SYTL5: variants seen among roughly 807,000 people sequenced by gnomAD.
SYTL5 encodes synaptotagmin-like protein 5.
Under a neutral mutation model 55.9 loss-of-function variants are expected in SYTL5, and 34 were observed. That is an observed-to-expected ratio of 0.61 (90% CI 0.46 to 0.81). The LOEUF (loss-of-function observed/expected upper bound fraction) is 0.81, where lower values mean the gene tolerates loss of function less well. Ranked by LOEUF, SYTL5 falls within the 30% of genes least tolerant of loss-of-function variation. The pLI is 0.00. For missense variants in SYTL5, 637 were observed against 546.7 expected (o/e 1.17, Z -1.65); for synonymous variants, 221 against 188.7 (o/e 1.17, Z -1.40).
At chrX:38,059,104 T>C (rs1218427843) in intron 3 of SYTL5, among the ~76,000 whole-genome samples, 1 of 112,002 alleles carries the variant, frequency 8.9e-6, no homozygotes, top group East Asian at 2.8e-4. Context: ...TTAACTTCAG[T>C]TACTGTGTTT....
the SYTL5 span, among the ~76,000 whole-genome samples, chrX:37,892,706 GTATATATGTATATATTAGTATATA>G: frequency 1.7e-3 from 126 of 74,983 alleles, 1 homozygote; most frequent in African/African-American, 0.012. Flanking sequence ...ACATATATTA[GTATATATGTATATATTAGTATATA>G]TACGTATATT....
At chrX:37,943,854 G>A in the SYTL5 span, among the ~76,000 whole-genome samples, 1 of 111,046 alleles carries the variant, frequency 9.0e-6, no homozygotes. Flanking sequence ...TCAAGCTGAA[G>A]CATAAGCCTA....
chrX:38,019,146 G>A (rs779848175), intron 1 of SYTL5, among the ~76,000 whole-genome samples: 15 of 112,503 alleles, frequency 1.3e-4, no homozygotes, highest in Non-Finnish European at 2.6e-4. Flanking sequence ...AGATGAAAAC[G>A]GAGCTGCTCT....
the SYTL5 span, among the ~76,000 whole-genome samples, chrX:37,985,725 A>G: frequency 9.0e-6 from 1 of 111,395 alleles, no homozygotes; most frequent in African/African-American, 3.3e-5. Flanking sequence ...ACTAATTAAA[A>G]AAATATTAAA....
At chrX:37,927,080 C>T in the SYTL5 span, among the ~76,000 whole-genome samples, 1 of 111,894 alleles carries the variant, frequency 8.9e-6, no homozygotes, top group Admixed American at 9.5e-5. Context: ...GAACAAAAGG[C>T]TCTGATAGCA....
At chrX:38,096,021 A>G (rs969205186) in intron 8 of SYTL5, 113 bp from the exon 9 acceptor site, 1 of 403,143 alleles carries the variant, frequency 2.5e-6, no homozygotes, top group African/African-American at 2.5e-5. Context: ...GGCACTATTT[A>G]TGATCTGTGC....
intron 15 of SYTL5, among the ~76,000 whole-genome samples, chrX:38,123,380 C>A (rs772376544): frequency 9.0e-6 from 1 of 111,572 alleles, no homozygotes; most frequent in Non-Finnish European, 1.9e-5. Context: ...CTGCCTGCCT[C>A]GGCCTCCCAA....
At chrX:37,970,375 A>G in the SYTL5 span, among the ~76,000 whole-genome samples, 1 of 108,756 alleles carries the variant, frequency 9.2e-6, no homozygotes, top group East Asian at 2.8e-4. Context: ...TTTTACCAAA[A>G]ATACCTCTTT....
intron 7 of SYTL5, among the ~76,000 whole-genome samples, chrX:38,092,623 T>A (rs1468254431): frequency 9.0e-6 from 1 of 111,317 alleles, no homozygotes; most frequent in East Asian, 2.8e-4. Flanking sequence ...TGGCAGCTGA[T>A]TGGATGTTGC....
At chrX:37,892,718 A>C in the SYTL5 span, among the ~76,000 whole-genome samples, 1 of 78,188 alleles carries the variant, frequency 1.3e-5, no homozygotes, top group Non-Finnish European at 2.1e-5. Flanking sequence ...ATATATGTAT[A>C]TATTAGTATA....
intron 7 of SYTL5, among the ~76,000 whole-genome samples, chrX:38,093,972 T>C (rs1252001297): frequency 9.0e-6 from 1 of 111,285 alleles, no homozygotes; most frequent in Non-Finnish European, 1.9e-5. Context: ...TTATTATACA[T>C]CCCTCATGTA....
At chrX:37,992,014 G>C in the SYTL5 span, among the ~76,000 whole-genome samples, 6 of 112,234 alleles carry the variant, frequency 5.3e-5, no homozygotes, top group Non-Finnish European at 1.1e-4. Context: ...CTTAATGGTT[G>C]TTAATTATTA....
chrX:37,924,089 A>T, the SYTL5 span, among the ~76,000 whole-genome samples: 1 of 111,658 alleles, frequency 9.0e-6, no homozygotes, highest in African/African-American at 3.3e-5. Flanking sequence ...GACACAATAT[A>T]AATAAATACA....
chrX:37,900,102 T>C, the SYTL5 span, among the ~76,000 whole-genome samples: 1 of 105,087 alleles, frequency 9.5e-6, no homozygotes, highest in Non-Finnish European at 1.9e-5. Flanking sequence ...TATTTGGGGA[T>C]TGGTCACACA....
intron 3 of SYTL5, among the ~76,000 whole-genome samples, chrX:38,067,714 C>G (rs1459885695): frequency 9.0e-6 from 1 of 111,338 alleles, no homozygotes; most frequent in Non-Finnish European, 1.9e-5. Flanking sequence ...ATAAATGGTG[C>G]TGGAATAACT....
the SYTL5 span, among the ~76,000 whole-genome samples, chrX:37,941,175 T>C: frequency 1.8e-5 from 2 of 111,756 alleles, no homozygotes; most frequent in Non-Finnish European, 3.8e-5. Context: ...ACAAGTAAAA[T>C]GCATCGACTT....
chrX:38,049,870 A>G (rs1160496454), intron 2 of SYTL5, among the ~76,000 whole-genome samples: 1 of 112,257 alleles, frequency 8.9e-6, no homozygotes, highest in African/African-American at 3.2e-5. Flanking sequence ...ACAACACTGT[A>G]ATGCTGTTTT....
the SYTL5 span, among the ~76,000 whole-genome samples, chrX:37,965,811 T>A: frequency 8.9e-6 from 1 of 112,734 alleles, no homozygotes; most frequent in Admixed American, 9.3e-5. Context: ...TATATATTTA[T>A]AGTTATATAT....
the SYTL5 span, among the ~76,000 whole-genome samples, chrX:37,973,365 C>T: frequency 9.0e-6 from 1 of 111,230 alleles, no homozygotes; most frequent in Non-Finnish European, 1.9e-5. Flanking sequence ...ATTGGAGTAG[C>T]GCACTCCAAA....
Sources: allele counts gnomAD v4.1 joint callset (sites outside exome capture counted in the v4.1 genomes callset), GRCh38; gene constraint gnomAD v4.1.1; transcripts MANE v1.5; gene names NCBI Gene and HGNC (gene_info 2026-07-23, HGNC 2026-07-21).